The following CSMD1 variants were observed in gnomAD, a reference collection of about 807,000 sequenced individuals.
CSMD1 encodes CUB and sushi domain-containing protein 1.
A neutral mutation model predicts 417.5 loss-of-function variants in CSMD1; 213 were observed. The ratio of observed to expected loss-of-function variants is 0.51; its 90% CI spans 0.46 to 0.57. The LOEUF (loss-of-function observed/expected upper bound fraction) is 0.57. CSMD1 is among the 20% of genes least tolerant of loss of function. The probability of loss-of-function intolerance (pLI) is 0.00; values close to 1 mark genes in which losing one functional copy is unlikely to be tolerated. For missense variants in CSMD1, 6,923 were observed against 4,529.7 expected, an observed-to-expected ratio of 1.53 and a Z score of -15.17; for synonymous variants, 2,862 against 1,736.8, an observed-to-expected ratio of 1.65 and a Z score of -16.11.
chr8:4,387,225 G>T (rs2128921935), intron 3 of CSMD1, among the ~76,000 whole-genome samples: 1 of 152,266 alleles, frequency 6.6e-6, no homozygotes, highest in South Asian at 2.1e-4. Context: ...CTAAACAAAT[G>T]TAAATATTTT....
chr8:4,475,704 C>G (rs1242446226), intron 2 of CSMD1, among the ~76,000 whole-genome samples: 3 of 152,094 alleles, frequency 2.0e-5, no homozygotes, highest in African/African-American at 4.8e-5. Context: ...GCAGCTGCCT[C>G]TGGGTTCAAG....
chr8:4,200,755 T>C (rs558556245), intron 3 of CSMD1, among the ~76,000 whole-genome samples: 3 of 152,292 alleles, frequency 2.0e-5, no homozygotes, highest in African/African-American at 7.2e-5. Flanking sequence ...CCAACTACTC[T>C]GGCGACTGAG....
At chr8:4,062,755 T>C (rs1799043863) in intron 3 of CSMD1, among the ~76,000 whole-genome samples, 1 of 151,694 alleles carries the variant, frequency 6.6e-6, no homozygotes, top group Admixed American at 6.6e-5. Flanking sequence ...AAAGGCAGGT[T>C]CTGCATGCTC....
chr8:4,530,669 A>G lies in CSMD1; in HGVS notation c.302+106673T>C, dbSNP rs1334192414. Among the ~76,000 whole-genome samples the G allele has an allele frequency of 4.0e-5, 6 of 151,262 alleles. No individual in the cohort carries two copies. In the East Asian group the frequency reaches 7.8e-4, roughly 20 times the overall value. Reference sequence around the variant, plus strand: ...CTTCATCCATGTCCCTGCAAAGGGCATGAACTCATTCTTTTTTAGGGCTGC... The same window carrying G: ...CTTCATCCATGTCCCTGCAAAGGGCGTGAACTCATTCTTTTTTAGGGCTGC... On this transcript the variant is annotated intron_variant, in intron 2 of 69. Transcript: ENST00000635120.
chr8:3,108,379 T>C (rs1339779801), intron 44 of CSMD1, among the ~76,000 whole-genome samples: 1 of 152,220 alleles, frequency 6.6e-6, no homozygotes, highest in East Asian at 1.9e-4. Context: ...TCACTTAGGA[T>C]ACATGTATCT....
intron 26 of CSMD1, among the ~76,000 whole-genome samples, chr8:3,274,556 G>T (rs546119452): frequency 1.5e-4 from 23 of 152,132 alleles, no homozygotes; most frequent in African/African-American, 5.5e-4. Flanking sequence ...TTAATGTGTG[G>T]GAGTCTAAGT....
At chr8:4,224,834 G>A (rs376191028) in intron 3 of CSMD1, among the ~76,000 whole-genome samples, 4 of 152,204 alleles carry the variant, frequency 2.6e-5, no homozygotes, top group Non-Finnish European at 5.9e-5. Context: ...GATATATAGG[G>A]CGCTGTGGCT....
intron 1 of CSMD1, chr8:4,787,952 G>C: frequency 1.3e-6 from 2 of 1,595,276 alleles, no homozygotes; most frequent in Non-Finnish European, 1.7e-6. Flanking sequence ...ATGATTCCTG[G>C]AGACTCTGGC....
At chr8:4,045,493 G>T (rs887893585) in intron 3 of CSMD1, among the ~76,000 whole-genome samples, 10 of 152,192 alleles carry the variant, frequency 6.6e-5, no homozygotes, top group African/African-American at 2.4e-4. Context: ...GTCCCCAGTT[G>T]GGGGAAGACC....
At chr8:3,179,189 C>T (rs539265183) in intron 37 of CSMD1, among the ~76,000 whole-genome samples, 3 of 151,992 alleles carry the variant, frequency 2.0e-5, no homozygotes, top group African/African-American at 7.2e-5. Context: ...TCGTGATCTG[C>T]CCGCCTTGGC....
intron 3 of CSMD1, among the ~76,000 whole-genome samples, chr8:4,079,812 A>T (rs564207493): frequency 6.6e-6 from 1 of 152,126 alleles, no homozygotes; most frequent in Non-Finnish European, 1.5e-5. Flanking sequence ...AGGGAGTGAC[A>T]TCACGAGAGA....
chr8:2,939,895 C>A (rs1366018574), intron 69 of CSMD1, among the ~76,000 whole-genome samples: 1 of 152,178 alleles, frequency 6.6e-6, no homozygotes, highest in East Asian at 1.9e-4. Context: ...CTCAATCGTC[C>A]AGATCACAAG....
chr8:3,668,538 T>G (rs1798822941), intron 7 of CSMD1, among the ~76,000 whole-genome samples: 1 of 152,114 alleles, frequency 6.6e-6, no homozygotes, highest in Non-Finnish European at 1.5e-5. Context: ...TTGGTCCTAT[T>G]CCTTACCACA....
chr8:4,230,955 G>A lies in CSMD1; in HGVS notation c.415+188998C>T, dbSNP rs553809432. 9.2e-5 allele frequency among the ~76,000 whole-genome samples: 14 copies of A among 152,038 alleles called. No homozygotes were observed. In the South Asian group the frequency reaches 2.3e-3, roughly 25 times the overall value. On this transcript the variant is annotated intron_variant, in intron 3 of 69. Transcript: ENST00000635120. ...GTTTTTTTCTACTTGGAAAACATGT[G>A]CTTAGATTATTTCATTTGCAACATC...
intron 5 of CSMD1, among the ~76,000 whole-genome samples, chr8:3,913,560 A>G (rs985878048): frequency 6.6e-6 from 1 of 152,182 alleles, no homozygotes; most frequent in African/African-American, 2.4e-5. Context: ...ATAAGGCAAC[A>G]AAGAATACGG....
In CSMD1 at chr8:3,605,183, G is replaced by C. The variant is rs549255935; in HGVS notation, c.1097+11527C>G. 3.9e-4 allele frequency among the ~76,000 whole-genome samples: 59 copies of C among 152,228 alleles called. 1 individual carries two copies. The South Asian group carries it at 7.0e-3, about 18-fold the overall frequency. On this transcript the variant is annotated intron_variant, in intron 8 of 69. Transcript: ENST00000635120. ...ATTTTTGTATTTTTAGTAGAAACAG[G>C]GTTTCCCTGTTTTGACTAGGCTGGT... is the stretch of plus-strand genomic sequence containing the variant.
intron 1 of CSMD1, among the ~76,000 whole-genome samples, chr8:4,686,747 G>T (rs1197052803): frequency 4.6e-5 from 7 of 152,308 alleles, no homozygotes; most frequent in African/African-American, 1.7e-4. Flanking sequence ...CCTCAGCCAT[G>T]AACCTAAGAT....
chr8:4,650,290 A>G (rs1276903805), intron 1 of CSMD1, among the ~76,000 whole-genome samples: 1 of 138,312 alleles, frequency 7.2e-6, no homozygotes, highest in Non-Finnish European at 1.5e-5. Context: ...GCTTGCAGTG[A>G]GCCTAGATGG....
intron 5 of CSMD1, among the ~76,000 whole-genome samples, chr8:3,832,277 T>C (rs1186485033): frequency 6.6e-6 from 1 of 152,192 alleles, no homozygotes; most frequent in Non-Finnish European, 1.5e-5. Flanking sequence ...TATTCCTGAG[T>C]ACACGGGATT....
Sources: allele counts gnomAD v4.1 joint callset (sites outside exome capture counted in the v4.1 genomes callset), GRCh38; gene constraint gnomAD v4.1.1; transcripts MANE v1.5; gene names NCBI Gene and HGNC (gene_info 2026-07-23, HGNC 2026-07-21).